RBFOX1: variants seen among roughly 807,000 people sequenced by gnomAD.
The protein encoded by RBFOX1 is RNA binding protein fox-1 homolog 1.
In RBFOX1, 8 loss-of-function variants were observed where a neutral mutation model predicts 57.7. The ratio of observed to expected loss-of-function variants is 0.14; its 90% CI spans 0.08 to 0.25. The LOEUF is 0.25. Ranked by LOEUF, RBFOX1 falls within the 10% of genes least tolerant of loss-of-function variation. The pLI, the probability that RBFOX1 is intolerant of heterozygous loss-of-function variation, is 1.00. For missense variants in RBFOX1, 611 were observed against 548.5 expected (o/e 1.11, Z -1.14); for synonymous variants, 326 against 222.4 (o/e 1.47, Z -4.15).
At chr16:6,670,779 C>G (rs1373237223) in intron 3 of RBFOX1, among the ~76,000 whole-genome samples, 1 of 152,044 alleles carries the variant, frequency 6.6e-6, no homozygotes, top group Non-Finnish European at 1.5e-5. Context: ...GGGTGGATCA[C>G]AAGGTCAGGA....
At chr16:7,607,836 A>G (rs1357424793) in intron 10 of RBFOX1, among the ~76,000 whole-genome samples, 26 of 152,192 alleles carry the variant, frequency 1.7e-4, no homozygotes, top group Admixed American at 1.7e-3. Flanking sequence ...GTCTTCGTTC[A>G]TTAATCAAAT....
chr16:7,504,910 C>T (rs1303549128), intron 4 of RBFOX1, among the ~76,000 whole-genome samples: 1 of 147,400 alleles, frequency 6.8e-6, no homozygotes, highest in African/African-American at 2.6e-5. Flanking sequence ...AATAATACGG[C>T]ATTTGAAGCA....
intron 3 of RBFOX1, among the ~76,000 whole-genome samples, chr16:6,868,458 G>A (rs868118620): frequency 1.1e-4 from 17 of 150,842 alleles, no homozygotes; most frequent in Admixed American, 8.6e-4. Context: ...ATTCAAGCCA[G>A]TGTTTCATAT....
chr16:7,381,243 C>G (rs1305193758), intron 4 of RBFOX1, among the ~76,000 whole-genome samples: 1 of 152,176 alleles, frequency 6.6e-6, no homozygotes, highest in Non-Finnish European at 1.5e-5. Flanking sequence ...AACCCAGGTG[C>G]AAGTGGAAAT....
At chr16:7,060,200 A>G (rs1434229316) in intron 4 of RBFOX1, among the ~76,000 whole-genome samples, 1 of 152,328 alleles carries the variant, frequency 6.6e-6, no homozygotes, top group East Asian at 1.9e-4. Context: ...CGACACTGCC[A>G]TAATAGCACA....
chr16:5,757,912 C>T (rs901955741), intron 3 of RBFOX1, among the ~76,000 whole-genome samples: 3 of 152,194 alleles, frequency 2.0e-5, no homozygotes, highest in Non-Finnish European at 4.4e-5. Context: ...CTTTCCCCTT[C>T]ACTACTCTCG....
chr16:6,680,345 C>G (rs556307963), intron 3 of RBFOX1, among the ~76,000 whole-genome samples: 1 of 144,616 alleles, frequency 6.9e-6, no homozygotes, highest in African/African-American at 2.6e-5. Flanking sequence ...TCACTGCAAG[C>G]TCCGCCTCCC....
Position 5,497,645 on chromosome 16 carries a change from C to T in RBFOX1, c.258+30391C>T, listed in dbSNP as rs578107779. Among the ~76,000 whole-genome samples the T allele has an allele frequency of 1.1e-3, 141 of 125,724 alleles. 1 individual carries two copies. Among genetic ancestry groups the T allele is most frequent in the African/African-American group, 6.2e-3 (140 of 22,560 alleles). 82.5% of individuals were successfully genotyped at this position (125,724 alleles called of 152,430 possible). On this transcript the variant is annotated intron_variant, in intron 2 of 2. Transcript: ENST00000585867. The stretch of plus-strand genomic sequence containing the variant: ...TACAAAAAAAAAAAAAAAAGCTGGG[C>T]ATGGTGGCACACACTCCCAGCTGCT...
chr16:5,314,473 C>T (rs188174085), intron 1 of RBFOX1, among the ~76,000 whole-genome samples: 6 of 152,316 alleles, frequency 3.9e-5, no homozygotes, highest in Admixed American at 3.9e-4. Context: ...CACAGTGACT[C>T]ATGAAAATGC....
At chr16:6,594,459 C>A (rs1395959383) in intron 2 of RBFOX1, among the ~76,000 whole-genome samples, 1 of 152,146 alleles carries the variant, frequency 6.6e-6, no homozygotes, top group Non-Finnish European at 1.5e-5. Flanking sequence ...GCAAACTCGG[C>A]AATAAATGCC....
chr16:5,559,634 C>G (rs1179576416), intron 2 of RBFOX1, among the ~76,000 whole-genome samples: 3 of 152,194 alleles, frequency 2.0e-5, no homozygotes, highest in Non-Finnish European at 4.4e-5. Context: ...CTTGATACCA[C>G]TCTTTTCTTG....
chr16:6,644,597 A>G (rs904535363), intron 2 of RBFOX1, among the ~76,000 whole-genome samples: 2 of 152,198 alleles, frequency 1.3e-5, no homozygotes, highest in African/African-American at 2.4e-5. Flanking sequence ...CAGGAGAACA[A>G]TGCTGTGCCC....
chr16:7,144,063 G>A (rs979743213), intron 4 of RBFOX1, among the ~76,000 whole-genome samples: 4 of 152,210 alleles, frequency 2.6e-5, no homozygotes, highest in African/African-American at 9.6e-5. Context: ...TCGGGTTGAT[G>A]TGTCTGTAGG....
chr16:5,310,365 T>C (rs2064053325), intron 1 of RBFOX1, among the ~76,000 whole-genome samples: 1 of 151,928 alleles, frequency 6.6e-6, no homozygotes. Context: ...CATGCCACTG[T>C]ACTCCACCCT....
chr16:5,924,028 T>A (rs1407016038), intron 4 of RBFOX1, among the ~76,000 whole-genome samples: 1 of 152,130 alleles, frequency 6.6e-6, no homozygotes, highest in African/African-American at 2.4e-5. Flanking sequence ...GGGGGTAGTG[T>A]ACCCCATGCT....
chr16:6,759,043 C>A (rs74007013), intron 3 of RBFOX1, among the ~76,000 whole-genome samples: 1 of 152,050 alleles, frequency 6.6e-6, no homozygotes, highest in African/African-American at 2.4e-5. Context: ...TTACCTCTTT[C>A]TTGCATTTAA....
intron 3 of RBFOX1, among the ~76,000 whole-genome samples, chr16:5,841,816 G>T (rs527391265): frequency 1.3e-5 from 2 of 152,150 alleles, no homozygotes; most frequent in African/African-American, 2.4e-5. Context: ...CTTTCTACTC[G>T]CAGACTAAAA....
intron 2 of RBFOX1, among the ~76,000 whole-genome samples, chr16:6,520,557 A>T (rs1015812423): frequency 6.6e-6 from 1 of 151,750 alleles, no homozygotes; most frequent in Admixed American, 6.5e-5. Flanking sequence ...AAGCAAAAAA[A>T]CATTGGTTCT....
intron 2 of RBFOX1, among the ~76,000 whole-genome samples, chr16:6,503,925 A>T (rs2096014345): frequency 6.6e-6 from 1 of 152,246 alleles, no homozygotes; most frequent in Non-Finnish European, 1.5e-5. Context: ...ATGTTCCTTA[A>T]GCCGGACCTT....
Sources: allele counts gnomAD v4.1 joint callset (sites outside exome capture counted in the v4.1 genomes callset), GRCh38; gene constraint gnomAD v4.1.1; transcripts MANE v1.5; gene names NCBI Gene and HGNC (gene_info 2026-07-23, HGNC 2026-07-21).